HRH1: variants seen among roughly 807,000 people sequenced by gnomAD.
The protein encoded by HRH1 is histamine H1 receptor.
In HRH1, 6 loss-of-function variants were observed where a neutral mutation model predicts 10.3. The observed-to-expected ratio is 0.58, with a 90% CI of 0.32 to 1.15. The LOEUF is 1.15. HRH1 is among the 50% of genes most tolerant of loss of function. The probability of loss-of-function intolerance (pLI) is 0.05; values close to 1 mark genes in which losing one functional copy is unlikely to be tolerated. For synonymous variants in HRH1, 242 were observed against 236.7 expected, an observed-to-expected ratio of 1.02 and a Z score of -0.21; for missense variants, 514 against 615.3, an observed-to-expected ratio of 0.84 and a Z score of 1.74.
chr3:11,174,833 TG>T (rs1937218978), intron 1 of HRH1, among the ~76,000 whole-genome samples: 1 of 152,146 alleles, frequency 6.6e-6, no homozygotes, highest in Non-Finnish European at 1.5e-5. Context: ...GCCCCAGCAG[TG>T]CTGGTGAGAA....
At chr3:11,255,745 T>TA (rs1177688058) in intron 1 of HRH1, among the ~76,000 whole-genome samples, 1 of 152,126 alleles carries the variant, frequency 6.6e-6, no homozygotes, top group African/African-American at 2.4e-5. Flanking sequence ...AAGAGACAGA[T>TA]GGTTGCATTC....
chr3:11,194,334 G>T (rs776760873), intron 1 of HRH1, among the ~76,000 whole-genome samples: 12 of 152,088 alleles, frequency 7.9e-5, no homozygotes, highest in Non-Finnish European at 1.5e-4. Flanking sequence ...AGTGAAATAG[G>T]AATAACAATT....
chr3:11,154,787 C>A lies in HRH1; in HGVS notation c.-36+233C>A, dbSNP rs898604095. Among the ~76,000 whole-genome samples, 1 of 152,056 alleles carries A rather than the reference C, an allele frequency of 6.6e-6. No individual in the cohort carries two copies. Among genetic ancestry groups the A allele is most frequent in the Non-Finnish European group, 1.5e-5 (1 of 67,988 alleles). Reference sequence around the variant, plus strand: ...TCCCCTCTCCACACTGTGGCCTCAGCACTCGACGCGCAGACACCTTTAGCT... The same window carrying A: ...TCCCCTCTCCACACTGTGGCCTCAGAACTCGACGCGCAGACACCTTTAGCT... On this transcript the variant is annotated intron_variant, in intron 1 of 1. Coordinates refer to ENST00000431010, the MANE Select transcript of HRH1 (RefSeq NM_001098212.2). This position sits in a 1 kb window ranked among gnomAD's most constrained non-coding sequence, Gnocchi z 4.4.
chr3:11,180,124 C>T (rs1458283500), intron 1 of HRH1, among the ~76,000 whole-genome samples: 1 of 152,146 alleles, frequency 6.6e-6, no homozygotes, highest in Non-Finnish European at 1.5e-5. Context: ...ATTCACCTGT[C>T]TAAACTGAAT....
intron 1 of HRH1, among the ~76,000 whole-genome samples, chr3:11,222,171 C>T (rs931057507): frequency 1.4e-4 from 21 of 152,206 alleles, no homozygotes; most frequent in Non-Finnish European, 2.8e-4. Context: ...CACTTAATAG[C>T]TCTCTTGAAC....
At chr3:11,216,148 A>T (rs1938485501) in intron 1 of HRH1, among the ~76,000 whole-genome samples, 1 of 152,168 alleles carries the variant, frequency 6.6e-6, no homozygotes, top group South Asian at 2.1e-4. Context: ...GGTGGAAATG[A>T]ACATTAAAAG....
intron 1 of HRH1, among the ~76,000 whole-genome samples, chr3:11,172,704 C>CTGTTTTTT (rs1937174752): frequency 7.6e-6 from 1 of 130,928 alleles, no homozygotes; most frequent in Admixed American, 7.8e-5. Flanking sequence ...TTTGGCGAAT[C>CTGTTTTTT]TTTTTTTTTT....
At chr3:11,159,880 A>G (rs1251025833) in intron 1 of HRH1, among the ~76,000 whole-genome samples, 2 of 152,206 alleles carry the variant, frequency 1.3e-5, no homozygotes, top group Non-Finnish European at 2.9e-5. Context: ...CTTGCTACCA[A>G]TCAGAGGCTC....
intron 1 of HRH1, among the ~76,000 whole-genome samples, chr3:11,219,849 C>G (rs746182872): frequency 1.3e-5 from 2 of 151,640 alleles, no homozygotes; most frequent in Non-Finnish European, 2.9e-5. Flanking sequence ...CTAAGATGAC[C>G]TTAAATTGAC....
At chr3:11,164,888 T>C (rs1316470773) in intron 1 of HRH1, among the ~76,000 whole-genome samples, 1 of 152,160 alleles carries the variant, frequency 6.6e-6, no homozygotes, top group East Asian at 1.9e-4. Context: ...CTTGAACTGC[T>C]TGCCACACCC....
chr3:11,238,777 A>T (rs1231906407), intron 1 of HRH1, among the ~76,000 whole-genome samples: 1 of 152,228 alleles, frequency 6.6e-6, no homozygotes, highest in East Asian at 1.9e-4. Context: ...AAATGGAATC[A>T]TTCAATGTGT....
intron 1 of HRH1, among the ~76,000 whole-genome samples, chr3:11,204,689 T>A (rs1238269529): frequency 6.6e-6 from 1 of 152,184 alleles, no homozygotes; most frequent in Non-Finnish European, 1.5e-5. Context: ...TCACCTTTGA[T>A]CCCTGCAGCT....
At chr3:11,144,369 GTA>G (rs200972291) in intron 1 of HRH1, among the ~76,000 whole-genome samples, 2,048 of 10,624 alleles carry the variant, frequency 0.19, 31 homozygotes, top group Middle Eastern at 0.35. Context: ...GTGTGTGTGT[GTA>G]TATATATGTC....
intron 1 of HRH1, among the ~76,000 whole-genome samples, chr3:11,210,634 A>G (rs1257246961): frequency 6.6e-6 from 1 of 151,858 alleles, no homozygotes; most frequent in Non-Finnish European, 1.5e-5. Flanking sequence ...TCTACCAAAA[A>G]ATACAAAAAT....
chr3:11,194,436 G>A (rs142401060), intron 1 of HRH1, among the ~76,000 whole-genome samples: 7 of 152,242 alleles, frequency 4.6e-5, no homozygotes, highest in African/African-American at 7.2e-5. Flanking sequence ...CAGACTCTGC[G>A]CCAGACACTT....
chr3:11,218,536 G>T (rs934814635), intron 1 of HRH1, among the ~76,000 whole-genome samples: 1 of 151,962 alleles, frequency 6.6e-6, no homozygotes, highest in Non-Finnish European at 1.5e-5. Context: ...TGGGTGGGAT[G>T]GGACACATAT....
upstream of HRH1, among the ~76,000 whole-genome samples, chr3:11,151,322 A>T (rs1250882908): frequency 1.3e-5 from 2 of 152,224 alleles, no homozygotes; most frequent in East Asian, 3.8e-4. Context: ...AGAAAAGAAA[A>T]CAGAGTCAAG....
chr3:11,245,714 A>G (rs553920879), intron 1 of HRH1, among the ~76,000 whole-genome samples: 3 of 152,158 alleles, frequency 2.0e-5, no homozygotes, highest in Non-Finnish European at 4.4e-5. Context: ...TTCAAAAATG[A>G]TGGTTTGCTT....
At chr3:11,226,885 TAAAAA>T (rs11312109) in intron 1 of HRH1, among the ~76,000 whole-genome samples, 2 of 133,376 alleles carry the variant, frequency 1.5e-5, no homozygotes, top group Admixed American at 7.6e-5. Flanking sequence ...AGACTCAGTC[TAAAAA>T]AAAAAAAAAA....
Sources: gnomAD v4.1 joint callset for allele counts (sites outside exome capture counted in the v4.1 genomes callset) on GRCh38, gnomAD v4.1.1 for gene constraint, Gnocchi (gnomAD v3.1) non-coding constraint, MANE v1.5 for transcripts, NCBI Gene and HGNC (gene_info 2026-07-23, HGNC 2026-07-21) for gene names.